The following MYO9B variants were observed in gnomAD, a reference collection of about 807,000 sequenced individuals.
MYO9B encodes the protein unconventional myosin-IXb.
In MYO9B, 71 loss-of-function variants were observed where a neutral mutation model predicts 229.5. That is an observed-to-expected ratio of 0.31 (90% confidence interval 0.26 to 0.38). The LOEUF is 0.38. Ranked by LOEUF, MYO9B falls within the 10% of genes least tolerant of loss-of-function variation. MYO9B has a pLI of 1.00. For synonymous variants in MYO9B, 1,185 were observed against 1,235.8 expected (o/e 0.96, Z 0.86); for missense variants, 2,255 against 2,920.5 (o/e 0.77, Z 5.25).
In MYO9B at chr19:17,211,033, G is replaced by A. The variant is rs976878912; in HGVS notation, c.5930+185G>A. On this transcript the variant is annotated intron_variant, in intron 38 of 39. Transcript: ENST00000682292. ...GGCGTCTCGCTCTGTCGCCCAGCTG[G>A]AGTGCAGTGGTGCTATCTCGGCTCA... 1.4e-5 allele frequency among the ~76,000 whole-genome samples: 2 copies of A among 145,474 alleles called. 1 individual carries two copies. The highest frequency in any genetic ancestry group is 4.3e-4 in the South Asian group (2 of 4,608).
At chr19:17,113,613 G>A (rs959017254) in intron 2 of MYO9B, among the ~76,000 whole-genome samples, 5 of 152,118 alleles carry the variant, frequency 3.3e-5, no homozygotes, top group Admixed American at 6.6e-5. Context: ...GGCCCTGACC[G>A]CAAGCTACTG....
intron 2 of MYO9B, among the ~76,000 whole-genome samples, chr19:17,117,754 A>G (rs1422102281): frequency 1.3e-5 from 2 of 151,930 alleles, no homozygotes; most frequent in Admixed American, 1.3e-4. Context: ...CCTGGCCAAC[A>G]TGGTGAAACC....
intron 2 of MYO9B, among the ~76,000 whole-genome samples, chr19:17,130,495 C>T (rs1198272012): frequency 6.6e-6 from 1 of 152,156 alleles, no homozygotes; most frequent in African/African-American, 2.4e-5. Context: ...TGGTGGGCGC[C>T]TGTAGTCCCA....
Position 17,194,776 on chromosome 19 carries a change from G to A in MYO9B, c.3349G>A (p.Glu1117Lys). The A allele has an allele frequency of 6.2e-7, 1 of 1,613,324 alleles. No individual in the cohort carries two copies. The highest frequency in any genetic ancestry group is 1.3e-5 in the African/African-American group (1 of 75,038). The change falls in exon 22 of 40, where the codon GAG (glutamate) becomes AAG (lysine). Residue 1117 changes from glutamate to lysine, a missense_variant. Around this residue, in one of 7 missense-constraint regions of MYO9B, gnomAD observed 679 missense variants for 770.2 expected, o/e 0.88. Coordinates refer to ENST00000682292, the MANE Select transcript of MYO9B (RefSeq NM_004145.4). Reference sequence around the variant, plus strand: ...GTCCCCCCTAGAGCACTCCTCACCTGAGAAGGAGGCCCCAAGCCCAGAGAA... The same window carrying A: ...GTCCCCCCTAGAGCACTCCTCACCTAAGAAGGAGGCCCCAAGCCCAGAGAA... ...DRSPLEHSSPEKEAPSPEKTL... is the reference protein window; with the variant it reads ...DRSPLEHSSPKKEAPSPEKTL...
intron 30 of MYO9B, among the ~76,000 whole-genome samples, chr19:17,204,041 A>G (rs1377161400): frequency 6.6e-6 from 1 of 151,756 alleles, no homozygotes; most frequent in Non-Finnish European, 1.5e-5. Flanking sequence ...CCTCTCCTAC[A>G]TGTGTTTTTC....
At chr19:17,191,569 A>C (rs1039108844) in intron 20 of MYO9B, among the ~76,000 whole-genome samples, 3 of 152,048 alleles carry the variant, frequency 2.0e-5, no homozygotes, top group African/African-American at 7.2e-5. Flanking sequence ...CCTTTCAGAG[A>C]CTGTCTCCCA....
In MYO9B at chr19:17,115,257, C is replaced by G. The variant is rs74253206; in HGVS notation, c.840+12700C>G. On this transcript the variant is annotated intron_variant, in intron 2 of 39. Transcript: ENST00000682292. ...AAATAAAGTTTTATTGGTGCATAACCATGCCCATGCATTTACATATCATCC... is the reference window on the plus strand; with the variant it reads ...AAATAAAGTTTTATTGGTGCATAACGATGCCCATGCATTTACATATCATCC... Among the ~76,000 whole-genome samples, 1,423 of 152,224 alleles carry G rather than the reference C, an allele frequency of 9.3e-3. 10 individuals carry two copies. The highest frequency in any genetic ancestry group is 0.044 in the South Asian group (213 of 4,826).
intron 15 of MYO9B, 43 bp from the exon 16 acceptor site, chr19:17,183,786 T>C (rs1453546624): frequency 6.6e-7 from 1 of 1,517,020 alleles, no homozygotes; most frequent in Non-Finnish European, 8.9e-7. Context: ...ATCCCGACAC[T>C]GTGTTCCTTT....
intron 2 of MYO9B, among the ~76,000 whole-genome samples, chr19:17,113,440 C>T (rs79045638): frequency 0.062 from 9,393 of 152,210 alleles, 313 homozygotes; most frequent in South Asian, 0.11. Flanking sequence ...GGAGTTTCCC[C>T]CCTGCTCGCC....
chr19:17,159,063 G>A (rs1048548423), intron 7 of MYO9B, among the ~76,000 whole-genome samples: 15 of 151,934 alleles, frequency 9.9e-5, no homozygotes, highest in Admixed American at 4.6e-4. Flanking sequence ...GTGTGGTGAC[G>A]GGTGCCTGTA....
At chr19:17,085,759 G>T (rs1309022217) in intron 1 of MYO9B, among the ~76,000 whole-genome samples, 1 of 151,752 alleles carries the variant, frequency 6.6e-6, no homozygotes, top group East Asian at 1.9e-4. Context: ...TTGAACCCAG[G>T]AGTTCGAGAC....
In MYO9B at chr19:17,167,979, A is replaced by G; in HGVS notation, c.1708A>G (p.Ile570Val). ...YQGEGITWHN[I>V]GYTDNVGCIH... is the part of the protein sequence containing the mutation. Reference sequence around the variant, plus strand: ...GGGCGAGGGGATCACGTGGCACAACATCGGCTACACAGACAATGTCGGCTG... The same window carrying G: ...GGGCGAGGGGATCACGTGGCACAACGTCGGCTACACAGACAATGTCGGCTG... Residue 570 changes from isoleucine (I) to valine (V), a missense_variant, in exon 11 of 40, where the codon ATC (isoleucine) becomes GTC (valine). Ile to Val is a conservative substitution (Grantham distance 29). Transcript: ENST00000682292. The G allele has an allele frequency of 9.4e-6, 15 of 1,598,914 alleles. No homozygotes were observed. The highest frequency in any genetic ancestry group is 1.3e-5 in the Non-Finnish European group (15 of 1,172,872).
chr19:17,099,190 A>C (rs2057720589), intron 1 of MYO9B: 1 of 150,608 alleles, frequency 6.6e-6, no homozygotes, highest in Non-Finnish European at 1.5e-5. Flanking sequence ...CAGGAGAATC[A>C]CTTGAACCCG....
chr19:17,146,201 G>GGATC (rs2072409075), intron 3 of MYO9B, among the ~76,000 whole-genome samples: 1 of 148,740 alleles, frequency 6.7e-6, no homozygotes, highest in Non-Finnish European at 1.5e-5. Context: ...ATGGATGGAT[G>GGATC]GATGGATGGA....
intron 38 of MYO9B, among the ~76,000 whole-genome samples, chr19:17,211,374 G>A (rs2073226901): frequency 6.6e-6 from 1 of 152,090 alleles, no homozygotes; most frequent in Non-Finnish European, 1.5e-5. Context: ...TAGGCTCACG[G>A]GGTCCTCCCA....
rs545959837 is a variant in MYO9B at position 17,121,266 on chromosome 19, A to G, written c.840+18709A>G. 3.9e-5 allele frequency among the ~76,000 whole-genome samples: 6 copies of G among 152,066 alleles called. 1 individual carries two copies. In the South Asian group the frequency reaches 1.2e-3, roughly 32 times the overall value. On this transcript the variant is annotated intron_variant, in intron 2 of 39. Coordinates refer to ENST00000682292, the MANE Select transcript of MYO9B (RefSeq NM_004145.4). ...CCTGTTGTTTTTAACACACCCGCTTACTTGTACTTGGATTGTCAACTTTTT... is the reference window on the plus strand; with the variant it reads ...CCTGTTGTTTTTAACACACCCGCTTGCTTGTACTTGGATTGTCAACTTTTT...
At chr19:17,143,625 A>C (rs928818423) in intron 2 of MYO9B, among the ~76,000 whole-genome samples, 29 of 152,172 alleles carry the variant, frequency 1.9e-4, no homozygotes, top group Non-Finnish European at 3.7e-4. Flanking sequence ...AGAGGAGCAG[A>C]AAAAATACTA....
intron 17 of MYO9B, 97 bp downstream of exon 17, chr19:17,185,084 T>TA: frequency 6.4e-7 from 1 of 1,570,934 alleles, no homozygotes; most frequent in Non-Finnish European, 8.7e-7. Context: ...CTAGTAAAAA[T>TA]ACAAAAATTG....
chr19:17,158,090 G>A (rs545212019), intron 7 of MYO9B, among the ~76,000 whole-genome samples: 22 of 152,248 alleles, frequency 1.4e-4, no homozygotes, highest in African/African-American at 3.4e-4. Flanking sequence ...ACCCCACAGC[G>A]CACAGGACAG....
Sources: allele counts gnomAD v4.1 joint callset (sites outside exome capture counted in the v4.1 genomes callset), GRCh38; gene constraint gnomAD v4.1.1; regional missense constraint gnomAD v4.1.1; transcripts MANE v1.5; gene names NCBI Gene and HGNC (gene_info 2026-07-23, HGNC 2026-07-21).